Variants in IGSF10 observed in about 807,000 individuals in gnomAD.
IGSF10 encodes the protein immunoglobulin superfamily member 10.
A neutral mutation model predicts 128.2 loss-of-function variants in IGSF10; 126 were observed. That is an observed-to-expected ratio of 0.98 (90% confidence interval 0.85 to 1.14). The LOEUF is 1.14. Among genes scored for constraint, IGSF10 ranks in the 50% most tolerant of loss-of-function variants. IGSF10 has a pLI of 0.00. For synonymous variants in IGSF10, 1,185 were observed against 1,146.2 expected (o/e 1.03, Z -0.68); for missense variants, 3,295 against 3,149.8 (o/e 1.05, Z -1.10).
the IGSF10 span, among the ~76,000 whole-genome samples, chr3:151,567,046 GAC>G: frequency 2.2e-3 from 340 of 152,318 alleles, no homozygotes; most frequent in Non-Finnish European, 4.1e-3. Context: ...TATTTTCTGA[GAC>G]ACAGAGTCTC....
the IGSF10 span, among the ~76,000 whole-genome samples, chr3:151,559,272 A>G: frequency 6.6e-6 from 1 of 152,322 alleles, no homozygotes; most frequent in African/African-American, 2.4e-5. Context: ...GTGTTTTCTA[A>G]TAATTGGTGA....
intron 3 of IGSF10, among the ~76,000 whole-genome samples, chr3:151,457,494 C>G (rs986036748): frequency 2.6e-5 from 4 of 152,160 alleles, no homozygotes; most frequent in African/African-American, 9.7e-5. Context: ...CTAGCCCATT[C>G]TTTCATGACA....
At chr3:151,591,999 T>C in the IGSF10 span, among the ~76,000 whole-genome samples, 1 of 152,122 alleles carries the variant, frequency 6.6e-6, no homozygotes, top group African/African-American at 2.4e-5. Flanking sequence ...AAAGAAGGAA[T>C]TGAGTCTTTA....
rs1257409218 is a variant in IGSF10 at position 151,444,786 on chromosome 3, G to A, written c.5062+133C>T. 8 of 743,852 alleles carry A rather than the reference G, an allele frequency of 1.1e-5. No homozygotes were observed. In the Admixed American group the frequency reaches 2.5e-4, roughly 23 times the overall value. 46.1% of individuals were successfully genotyped at this position (743,852 alleles called of 1,614,324 possible). A position where few individuals can be genotyped will look rare whatever the true frequency, so the allele number is the denominator to read the frequency against. On this transcript the variant is annotated intron_variant, in intron 6 of 7. Transcript: ENST00000282466. ...GTGAAAATATGCCAGTGTCAAATGA[G>A]GATATTAATAGTTTCTTTGTCTTAG...
At chr3:151,547,021 C>A in the IGSF10 span, among the ~76,000 whole-genome samples, 6 of 151,984 alleles carry the variant, frequency 3.9e-5, no homozygotes, top group East Asian at 1.9e-4. Context: ...TCCACCCCCC[C>A]CTTGGCCTCC....
At position 151,453,679 on chromosome 3, in the gene IGSF10, ATTG is replaced by A. The variant is rs1258682427; in HGVS notation, c.417_419del (p.Asn140del). ...AAACCTCTGGGTTTATAAACTCAAT[ATTG>A]TTGTGGTCCATGTGCAATCGTGTCA... On this transcript the variant is annotated inframe_deletion, in exon 5 of 8. Transcript: ENST00000282466. 6.2e-7 allele frequency: 1 copy of A among 1,613,338 alleles called. No individual in the cohort carries two copies. The highest frequency in any genetic ancestry group is 8.5e-7 in the Non-Finnish European group (1 of 1,179,256).
the IGSF10 span, among the ~76,000 whole-genome samples, chr3:151,477,295 A>C: frequency 2.0e-5 from 3 of 152,088 alleles, no homozygotes; most frequent in Admixed American, 6.5e-5. Context: ...AGTTTCTCTG[A>C]TAGTAGGGAA....
chr3:151,469,575 A>T, the IGSF10 span, among the ~76,000 whole-genome samples: 1 of 152,218 alleles, frequency 6.6e-6, no homozygotes, highest in African/African-American at 2.4e-5. Context: ...TAAATTGATA[A>T]GATAGAAACT....
Position 151,436,735 on chromosome 3 carries a change from T to G in IGSF10, c.7826A>C (p.Asn2609Thr), listed in dbSNP as rs1720280563. 1 of 1,613,908 alleles carries G rather than the reference T, an allele frequency of 6.2e-7. No individual in the cohort carries two copies. The highest frequency in any genetic ancestry group is 8.5e-7 in the Non-Finnish European group (1 of 1,179,966). ...DSGIYKCTAK[N>T]PLGSDYAATY... ...TGCTGCATAATCACTACCAAGTGGG[T>G]TCTTTGCTGTGCATTTGTATATCCC... The change falls in exon 8 of 8, where the codon AAC becomes ACC. Residue 2609 changes from asparagine (N) to threonine (T), a missense_variant. Transcript: ENST00000282466.
chr3:151,447,350 G>C lies in IGSF10; in HGVS notation c.2631C>G (p.Thr877=), dbSNP rs754337599. The C allele has an allele frequency of 6.2e-7, 1 of 1,614,184 alleles. No homozygotes were observed. Among genetic ancestry groups the C allele is most frequent in the South Asian group, 1.1e-5 (1 of 91,084 alleles). Residue 877 remains threonine, a synonymous_variant, in exon 6 of 8, where the codon ACC becomes ACG. Transcript: ENST00000282466. ...TTGTGCCTTGTATTTGGCTTGACAT[G>C]GTTGGGTTTATATTCTTTGACATGG... ...TTAMSKNINP[T]MSSQIQGTTN...
chr3:151,444,439 C>G (rs752210170), intron 6 of IGSF10, among the ~76,000 whole-genome samples: 1 of 152,140 alleles, frequency 6.6e-6, no homozygotes, highest in African/African-American at 2.4e-5. Context: ...TCCCGAGTAG[C>G]TGGGACTACA....
intron 5 of IGSF10, among the ~76,000 whole-genome samples, chr3:151,450,200 T>C (rs1721444935): frequency 6.6e-6 from 1 of 152,212 alleles, no homozygotes; most frequent in African/African-American, 2.4e-5. Context: ...AAAGCTCTGC[T>C]CTGGTGAGCC....
At chr3:151,449,397 T>C (rs1218736123) in intron 5 of IGSF10, 132 bp from the exon 6 acceptor site, 2 of 868,898 alleles carry the variant, frequency 2.3e-6, no homozygotes, top group Admixed American at 6.2e-5. Context: ...AGTTTTCTGA[T>C]TTTTTGCTTC....
At chr3:151,600,151 A>G in the IGSF10 span, among the ~76,000 whole-genome samples, 7 of 152,146 alleles carry the variant, frequency 4.6e-5, no homozygotes, top group African/African-American at 1.7e-4. Flanking sequence ...TAAAGTTTTA[A>G]AGTTCATTCA....
the IGSF10 span, among the ~76,000 whole-genome samples, chr3:151,585,661 T>C: frequency 6.6e-6 from 1 of 152,308 alleles, no homozygotes; most frequent in Admixed American, 6.5e-5. Flanking sequence ...ATTTTGTAAC[T>C]ACTGTTGATG....
the IGSF10 span, among the ~76,000 whole-genome samples, chr3:151,553,758 C>CA: frequency 6.6e-6 from 1 of 151,552 alleles, no homozygotes; most frequent in East Asian, 1.9e-4. Context: ...TCAAGTTTTT[C>CA]AAAAGTCTCC....
the IGSF10 span, among the ~76,000 whole-genome samples, chr3:151,504,645 C>T: frequency 6.6e-6 from 1 of 152,104 alleles, no homozygotes; most frequent in Non-Finnish European, 1.5e-5. Context: ...AAAGGTTAGC[C>T]TAAAGCTAGC....
In IGSF10 at chr3:151,437,499, G is replaced by T. The variant is rs759333049; in HGVS notation, c.7062C>A (p.Ser2354=). 3 of 1,614,130 alleles carry T rather than the reference G, an allele frequency of 1.9e-6. No homozygotes were observed. The highest frequency in any genetic ancestry group is 3.3e-5 in the Admixed American group (2 of 60,022). ...NEKIVAQLGK[S]TALNCSVDGN... ...CATCAACAGAGCAATTCAATGCTGT[G>T]GACTTTCCCAGCTGGGCAACTATTT... Residue 2354 remains serine, a synonymous_variant, in exon 8 of 8, where the codon TCC becomes TCA. Coordinates refer to ENST00000282466, the MANE Select transcript of IGSF10 (RefSeq NM_178822.5).
the IGSF10 span, among the ~76,000 whole-genome samples, chr3:151,578,588 C>A: frequency 6.6e-6 from 1 of 152,100 alleles, no homozygotes; most frequent in Non-Finnish European, 1.5e-5. Flanking sequence ...GGCAGTAGAC[C>A]AAAGAGAACT....
Sources: gnomAD v4.1 joint callset for allele counts (sites outside exome capture counted in the v4.1 genomes callset) on GRCh38, gnomAD v4.1.1 for gene constraint, MANE v1.5 for transcripts, NCBI Gene and HGNC (gene_info 2026-07-23, HGNC 2026-07-21) for gene names.